Variants in SGCD observed in about 807,000 individuals in gnomAD.
The protein encoded by SGCD is sarcoglycan delta.
A neutral mutation model predicts 36.6 loss-of-function variants in SGCD; 18 were observed. The observed-to-expected ratio is 0.49, with a 90% CI of 0.34 to 0.73. SGCD has a LOEUF of 0.73. Ranked by LOEUF, SGCD falls within the 30% of genes least tolerant of loss-of-function variation. The probability of loss-of-function intolerance (pLI) is 0.01; values close to 1 mark genes in which losing one functional copy is unlikely to be tolerated. For synonymous variants in SGCD, 133 were observed against 130.6 expected (o/e 1.02, Z -0.12); for missense variants, 387 against 346.7 (o/e 1.12, Z -0.92).
intron 3 of SGCD, among the ~76,000 whole-genome samples, chr5:156,354,898 T>C (rs2127725484): frequency 6.6e-6 from 1 of 152,322 alleles, no homozygotes; most frequent in Non-Finnish European, 1.5e-5. Context: ...CCAGTAAATA[T>C]GAGTTGGTTT....
At chr5:156,751,806 C>CTGGAACATTATACACTAG (rs1482835305) in intron 7 of SGCD, among the ~76,000 whole-genome samples, 2 of 152,210 alleles carry the variant, frequency 1.3e-5, no homozygotes. Context: ...AAGTGAACAA[C>CTGGAACATTATACACTAG]TGGAACATTA....
chr5:156,421,205 A>C (rs1044646643), intron 3 of SGCD, among the ~76,000 whole-genome samples: 5 of 152,126 alleles, frequency 3.3e-5, no homozygotes, highest in African/African-American at 1.2e-4. Context: ...AGATAGCCTA[A>C]TTTCTTTCAT....
chr5:155,913,670 C>T (rs760915074), intron 1 of SGCD, among the ~76,000 whole-genome samples: 49 of 152,018 alleles, frequency 3.2e-4, no homozygotes, highest in Non-Finnish European at 6.2e-4. Flanking sequence ...GTGTCATTCT[C>T]TTCTTCAGAC....
chr5:155,878,300 T>G (rs572140209), intron 1 of SGCD, among the ~76,000 whole-genome samples: 1 of 152,258 alleles, frequency 6.6e-6, no homozygotes, highest in South Asian at 2.1e-4. Context: ...CTCTTAGGCT[T>G]AACTCTCTTT....
chr5:156,251,439 A>G (rs1157874182), intron 3 of SGCD, among the ~76,000 whole-genome samples: 1 of 152,116 alleles, frequency 6.6e-6, no homozygotes, highest in African/African-American at 2.4e-5. Flanking sequence ...TTTTATACTC[A>G]TAAATAAGTA....
intron 7 of SGCD, among the ~76,000 whole-genome samples, chr5:156,741,268 AC>A (rs1317243799): frequency 6.6e-6 from 1 of 152,262 alleles, no homozygotes; most frequent in Non-Finnish European, 1.5e-5. Flanking sequence ...CACTGTTTCA[AC>A]AAAAACAATT....
chr5:156,767,469 T>C lies in SGCD; in HGVS notation c.*8079T>C, dbSNP rs2113215646. 6.7e-6 allele frequency: 1 copy of C among 149,526 alleles called. No individual in the cohort carries two copies. The highest frequency in any genetic ancestry group is 6.7e-5 in the Admixed American group (1 of 14,970). The allele number at this position is 149,526 out of a possible 1,614,324, so 9.3% of individuals were successfully genotyped here. A position where few individuals can be genotyped will look rare whatever the true frequency, so the allele number is the denominator to read the frequency against. ...AATGGTGAGGTCATGGAAGTCCCAT[T>C]TGCTTGGAGATTTTGAAAAAAAAAA... On this transcript the variant is annotated 3_prime_UTR_variant, in exon 9 of 9. Transcript: ENST00000337851.
intron 4 of SGCD, among the ~76,000 whole-genome samples, chr5:156,580,841 C>T (rs769796193): frequency 5.9e-5 from 9 of 152,230 alleles, no homozygotes; most frequent in Admixed American, 2.0e-4. Flanking sequence ...GTGATGGGTT[C>T]GAACATCCTC....
At chr5:156,252,912 C>A (rs1427607667) in intron 3 of SGCD, among the ~76,000 whole-genome samples, 1 of 152,154 alleles carries the variant, frequency 6.6e-6, no homozygotes, top group Non-Finnish European at 1.5e-5. Context: ...ACAGTGCTTC[C>A]TTATGAGGTA....
chr5:155,774,770 T>G, the SGCD span, among the ~76,000 whole-genome samples: 2 of 152,028 alleles, frequency 1.3e-5, no homozygotes, highest in Admixed American at 1.3e-4. Context: ...CACCTCAAGG[T>G]CCTTAACTTG....
chr5:156,655,829 A>G (rs1398305128), intron 7 of SGCD, among the ~76,000 whole-genome samples: 1 of 152,058 alleles, frequency 6.6e-6, no homozygotes, highest in African/African-American at 2.4e-5. Context: ...TTCCCTCCTG[A>G]AGTCTATATA....
chr5:156,760,008 T>C lies in SGCD; in HGVS notation c.*618T>C, dbSNP rs956190181. On this transcript the variant is annotated 3_prime_UTR_variant, in exon 9 of 9. Transcript: ENST00000337851. ...TGGCCTACCTTGGCTACCAGACATA[T>C]TGGGGTTTTTGTAGTTGAATGAATG... is the stretch of plus-strand genomic sequence containing the variant. 2.6e-5 allele frequency: 4 copies of C among 152,112 alleles called. No individual in the cohort carries two copies. Among genetic ancestry groups the C allele is most frequent in the Non-Finnish European group, 5.9e-5 (4 of 68,028 alleles). 9.4% of individuals were successfully genotyped at this position (152,112 alleles called of 1,614,324 possible). A position where few individuals can be genotyped will look rare whatever the true frequency, so the allele number is the denominator to read the frequency against.
intron 1 of SGCD, among the ~76,000 whole-genome samples, chr5:156,015,378 A>G (rs1160954773): frequency 6.6e-6 from 1 of 152,090 alleles, no homozygotes; most frequent in Non-Finnish European, 1.5e-5. Context: ...CTTTTTATAC[A>G]TCTTCATTAT....
At chr5:156,386,582 G>A (rs146017407) in intron 3 of SGCD, among the ~76,000 whole-genome samples, 1 of 152,240 alleles carries the variant, frequency 6.6e-6, no homozygotes, top group African/African-American at 2.4e-5. Flanking sequence ...TAAAGTAAGG[G>A]TGCTAATAGT....
chr5:156,564,307 G>A (rs139214215), intron 4 of SGCD, among the ~76,000 whole-genome samples: 2,064 of 152,022 alleles, frequency 0.014, 34 homozygotes, highest in African/African-American at 0.047. Flanking sequence ...AAAATTAGCC[G>A]GGCTTGGTGG....
Position 156,759,394 on chromosome 5 carries a change from A to C in SGCD, c.*4A>C. On this transcript the variant is annotated 3_prime_UTR_variant, in exon 9 of 9. Coordinates refer to ENST00000337851, the MANE Select transcript of SGCD (RefSeq NM_000337.6). The stretch of plus-strand genomic sequence containing the variant: ...AAACACAAGTGTCTGCCTCTGAAAG[A>C]CTATCCATAGTGGACATTGTTGGCA... The C allele has an allele frequency of 6.2e-7, 1 of 1,602,078 alleles. No individual in the cohort carries two copies. The highest frequency in any genetic ancestry group is 8.5e-7 in the Non-Finnish European group (1 of 1,171,430).
intron 3 of SGCD, among the ~76,000 whole-genome samples, chr5:156,507,059 A>G (rs918669364): frequency 3.3e-5 from 5 of 152,320 alleles, no homozygotes; most frequent in Middle Eastern, 3.4e-3. Flanking sequence ...TAAGTAAAAA[A>G]TTGCGCCTCA....
chr5:156,632,146 A>C (rs1191105923), intron 6 of SGCD, among the ~76,000 whole-genome samples: 7 of 152,170 alleles, frequency 4.6e-5, no homozygotes, highest in Non-Finnish European at 8.8e-5. Flanking sequence ...GAGAGACAGA[A>C]ACACCTTCAT....
At chr5:156,677,723 T>C (rs1358424788) in intron 7 of SGCD, among the ~76,000 whole-genome samples, 1 of 152,142 alleles carries the variant, frequency 6.6e-6, no homozygotes, top group East Asian at 1.9e-4. Context: ...GAAAATTTTA[T>C]ATTTGCCTGA....
Sources: allele counts gnomAD v4.1 joint callset (sites outside exome capture counted in the v4.1 genomes callset), GRCh38; gene constraint gnomAD v4.1.1; transcripts MANE v1.5; gene names NCBI Gene and HGNC (gene_info 2026-07-23, HGNC 2026-07-21).